DST: variants seen among roughly 807,000 people sequenced by gnomAD.
DST encodes the protein bullous pemphigoid antigen.
A neutral mutation model predicts 875.2 loss-of-function variants in DST; 253 were observed. The ratio of observed to expected loss-of-function variants is 0.29; its 90% CI spans 0.26 to 0.32. The LOEUF (loss-of-function observed/expected upper bound fraction) is 0.32. Among genes scored for constraint, DST ranks in the 10% least tolerant of loss-of-function variants. DST has a pLI of 1.00. For synonymous variants in DST, 3,124 were observed against 3,197.1 expected, an observed-to-expected ratio of 0.98 and a Z score of 0.77; for missense variants, 8,287 against 9,111.6, an observed-to-expected ratio of 0.91 and a Z score of 3.68.
chr6:56,575,448 ACTT>A (rs2097850321), intron 50 of DST, among the ~76,000 whole-genome samples: 1 of 152,172 alleles, frequency 6.6e-6, no homozygotes. Context: ...CAGGTTAGCG[ACTT>A]CTTAATTGGG....
chr6:56,716,676 A>G (rs1253341886), intron 5 of DST, among the ~76,000 whole-genome samples: 1 of 152,210 alleles, frequency 6.6e-6, no homozygotes, highest in East Asian at 1.9e-4. Flanking sequence ...AGATCTAACC[A>G]ACCCCACCAA....
chr6:56,640,387 C>T lies in DST; in HGVS notation c.2246G>A (p.Gly749Asp). Residue 749 changes from glycine to aspartate, a missense_variant, in exon 18 of 104, where the codon GGC (glycine) becomes GAC (aspartate). Gly to Asp is a moderately conservative substitution (Grantham distance 94). Transcript: ENST00000680361. ...PSLTSSSMTSGLSSGMTSRLT... is the reference protein window; with the variant it reads ...PSLTSSSMTSDLSSGMTSRLT... ...GCGGGAAGTCATCCCTGATGACAGGCCAGAAGTCATACTAGAAGAGGTTAG... is the reference window on the plus strand; with the variant it reads ...GCGGGAAGTCATCCCTGATGACAGGTCAGAAGTCATACTAGAAGAGGTTAG... 1.2e-6 allele frequency: 2 copies of T among 1,614,026 alleles called. No individual in the cohort carries two copies. Among genetic ancestry groups the T allele is most frequent in the Non-Finnish European group, 1.7e-6 (2 of 1,179,986 alleles).
chr6:56,596,789 A>C (rs1049229167), intron 47 of DST, among the ~76,000 whole-genome samples: 1 of 152,212 alleles, frequency 6.6e-6, no homozygotes, highest in Non-Finnish European at 1.5e-5. Context: ...AATGAGTGAC[A>C]CTTTAAAAGT....
intron 49 of DST, among the ~76,000 whole-genome samples, chr6:56,585,735 G>C (rs1307601115): frequency 2.6e-5 from 4 of 151,014 alleles, no homozygotes; most frequent in African/African-American, 9.8e-5. Context: ...GGCATTTAGT[G>C]CTATAAATTT....
chr6:56,571,022 G>A (rs2097772759), intron 53 of DST, among the ~76,000 whole-genome samples: 1 of 152,204 alleles, frequency 6.6e-6, no homozygotes, highest in South Asian at 2.1e-4. Context: ...CTCCCAAAAT[G>A]AGTTGAAACC....
chr6:56,712,048 G>A lies in DST; in HGVS notation c.688-7679C>T, dbSNP rs549456650. Among the ~76,000 whole-genome samples, 7 of 140,594 alleles carry A rather than the reference G, an allele frequency of 5.0e-5. No individual in the cohort carries two copies. In the South Asian group the frequency reaches 1.3e-3, roughly 27 times the overall value. 92.2% of individuals were successfully genotyped at this position (140,594 alleles called of 152,430 possible). On this transcript the variant is annotated intron_variant, in intron 5 of 103. Coordinates refer to ENST00000680361, the MANE Select transcript of DST (RefSeq NM_001374736.1). ...GGAGCTTGCAGTGAGCCGAGATCCC[G>A]CCACTGCACTCCAGCCTGGGCGACA...
intron 2 of DST, among the ~76,000 whole-genome samples, chr6:56,904,830 G>GC (rs1795663328): frequency 6.6e-6 from 1 of 152,102 alleles, no homozygotes; most frequent in Non-Finnish European, 1.5e-5. Flanking sequence ...TAGCTCTGTC[G>GC]CTAGGCTGGA....
chr6:56,613,203 A>G (rs2098559487), intron 37 of DST, among the ~76,000 whole-genome samples: 1 of 152,198 alleles, frequency 6.6e-6, no homozygotes, highest in Non-Finnish European at 1.5e-5. Context: ...CATGAAATAT[A>G]TATATTAAAA....
chr6:56,582,308 C>G (rs2098020676), intron 49 of DST, among the ~76,000 whole-genome samples: 1 of 152,196 alleles, frequency 6.6e-6, no homozygotes, highest in Non-Finnish European at 1.5e-5. Flanking sequence ...GGTTTACCAT[C>G]ATCATCTTGG....
chr6:56,616,759 A>G, intron 36 of DST: 1 of 1,614,208 alleles, frequency 6.2e-7, no homozygotes, highest in African/African-American at 1.3e-5. Flanking sequence ...TTTGTCTGTC[A>G]AGCATTCTAT....
intron 4 of DST, among the ~76,000 whole-genome samples, chr6:56,762,771 CATTCA>C (rs773665324): frequency 1.7e-4 from 25 of 151,270 alleles, no homozygotes; most frequent in Non-Finnish European, 3.7e-4. Flanking sequence ...TTATTGCTCT[CATTCA>C]ATAAGAACTT....
chr6:56,476,392 C>G (rs2095189847), intron 91 of DST, 55 bp from the exon 92 acceptor site: 1 of 1,381,552 alleles, frequency 7.2e-7, no homozygotes, highest in East Asian at 2.5e-5. Context: ...AAAATAATTG[C>G]AGTGATGTAA....
intron 50 of DST, among the ~76,000 whole-genome samples, chr6:56,576,732 TAGA>T (rs950916062): frequency 6.6e-6 from 1 of 152,036 alleles, no homozygotes; most frequent in African/African-American, 2.4e-5. Context: ...TTAGCGCCCT[TAGA>T]AGAAGAAACA....
chr6:56,614,928 C>T (rs1428431461), intron 36 of DST: 16 of 990,964 alleles, frequency 1.6e-5, no homozygotes, highest in South Asian at 9.2e-5. Flanking sequence ...CCTCCTCCAA[C>T]ACATAATATT....
Position 56,552,278 on chromosome 6 carries a change from G to A in DST, c.16514C>T (p.Ser5505Phe). The change falls in exon 61 of 104, where the codon TCT becomes TTT. Residue 5505 changes from serine (S) to phenylalanine (F), a missense_variant. Ser to Phe is a radical substitution (Grantham distance 155). Transcript: ENST00000680361. ...EEFYSKLKEF[S>F]ILLQKAEEHE... ...TTCTTCGGCTTTCTGGAGCAGAATA[G>A]AAAATTCTTTCAATTTGCTGTAAAA... 6.2e-7 allele frequency: 1 copy of A among 1,614,004 alleles called. No homozygotes were observed. Among genetic ancestry groups the A allele is most frequent in the South Asian group, 1.1e-5 (1 of 91,078 alleles).
intron 49 of DST, among the ~76,000 whole-genome samples, chr6:56,590,748 C>T (rs971856531): frequency 6.6e-6 from 1 of 152,174 alleles, no homozygotes; most frequent in Non-Finnish European, 1.5e-5. Context: ...ATAAACTCTT[C>T]AGCCTGGGAA....
chr6:56,650,045 G>A (rs973678957), intron 12 of DST, among the ~76,000 whole-genome samples: 2 of 152,144 alleles, frequency 1.3e-5, no homozygotes, highest in Non-Finnish European at 2.9e-5. Flanking sequence ...AGGGATCAAA[G>A]AGCATGAAGC....
rs181263726 is a variant in DST at position 56,665,747 on chromosome 6, C to T, written c.1214+4894G>A. Among the ~76,000 whole-genome samples the T allele has an allele frequency of 1.2e-3, 181 of 152,220 alleles. 3 individuals carry two copies. The highest frequency in any genetic ancestry group is 2.1e-3 in the Non-Finnish European group (141 of 68,018). On this transcript the variant is annotated intron_variant, in intron 10 of 103. Transcript: ENST00000680361. Reference sequence around the variant, plus strand: ...TACTTATTAGGTGTGATGCTCACTACGTGGGTGACAGGACCAGTTGTACCC... The same window carrying T: ...TACTTATTAGGTGTGATGCTCACTATGTGGGTGACAGGACCAGTTGTACCC...
Position 56,762,988 on chromosome 6 carries a change from T to A in DST, c.626-27699A>T, listed in dbSNP as rs530962868. Among the ~76,000 whole-genome samples the A allele has an allele frequency of 5.3e-5, 8 of 151,872 alleles. No individual in the cohort carries two copies. The South Asian group carries it at 1.7e-3, about 32-fold the overall frequency. ...ACCTCAGCTTCCCGAGTAGCTGGGA[T>A]TAAAGCCATGTGCCACCACACCCAG... is the stretch of plus-strand genomic sequence containing the variant. On this transcript the variant is annotated intron_variant, in intron 4 of 103. Coordinates refer to ENST00000680361, the MANE Select transcript of DST (RefSeq NM_001374736.1).
Sources: allele counts gnomAD v4.1 joint callset (sites outside exome capture counted in the v4.1 genomes callset), GRCh38; gene constraint gnomAD v4.1.1; transcripts MANE v1.5; gene names NCBI Gene and HGNC (gene_info 2026-07-23, HGNC 2026-07-21).